The following ESR1 variants were observed in gnomAD, a reference collection of about 807,000 sequenced individuals.
ESR1 encodes the protein estrogen receptor.
Under a neutral mutation model 52.7 loss-of-function variants are expected in ESR1, and 12 were observed. That is an observed-to-expected ratio of 0.23 (90% CI 0.15 to 0.37). ESR1 has a LOEUF of 0.37. Ranked by LOEUF, ESR1 falls within the 10% of genes least tolerant of loss-of-function variation. The pLI, the probability that ESR1 is intolerant of heterozygous loss-of-function variation, is 1.00. For synonymous variants in ESR1, 305 were observed against 316.8 expected (o/e 0.96, Z 0.39); for missense variants, 584 against 779.7 (o/e 0.75, Z 2.99).
chr6:152,111,993 T>G (rs1233499500), intron 6 of ESR1, among the ~76,000 whole-genome samples: 1 of 152,216 alleles, frequency 6.6e-6, no homozygotes, highest in African/African-American at 2.4e-5. Flanking sequence ...CCCTACAATC[T>G]AATCCATTCT....
rs758654079 is a variant in ESR1, at chr6:151,807,830, GCT to G, written c.-80_-79del. 5.6e-6 allele frequency: 7 copies of G among 1,252,202 alleles called. No homozygotes were observed. Among genetic ancestry groups the G allele is most frequent in the Non-Finnish European group, 6.9e-6 (6 of 872,524 alleles). 77.6% of individuals were successfully genotyped at this position (1,252,202 alleles called of 1,614,324 possible). A position where few individuals can be genotyped will look rare whatever the true frequency, so the allele number is the denominator to read the frequency against. ...TGCGTCGCCTCTAACCTCGGGCTGT[GCT>G]CTTTTTCCAGGTGGCCCGCCGGTTT... On this transcript the variant is annotated 5_prime_UTR_variant, in exon 1 of 8. An upstream open reading frame in the 5' UTR loses its in-frame stop. Transcript: ENST00000206249.
chr6:151,967,798 C>G (rs867087728), intron 4 of ESR1, among the ~76,000 whole-genome samples: 2 of 152,172 alleles, frequency 1.3e-5, no homozygotes, highest in Admixed American at 6.5e-5. Flanking sequence ...ACACTCCCAC[C>G]AACAGTGTAA....
chr6:151,984,694 A>T (rs1191721437), intron 4 of ESR1, among the ~76,000 whole-genome samples: 2 of 152,152 alleles, frequency 1.3e-5, no homozygotes, highest in Non-Finnish European at 1.5e-5. Flanking sequence ...TCTTTCTTGA[A>T]TAAGCTGCTT....
intron 2 of ESR1, among the ~76,000 whole-genome samples, chr6:151,844,099 T>C (rs1481086520): frequency 6.6e-6 from 1 of 151,582 alleles, no homozygotes; most frequent in South Asian, 2.1e-4. Context: ...AATCTTTGTG[T>C]GTGTATATAT....
At chr6:151,793,513 TTATG>T (rs1321243679) in intron 2 of ESR1, among the ~76,000 whole-genome samples, 32 of 152,248 alleles carry the variant, frequency 2.1e-4, no homozygotes, top group African/African-American at 6.0e-4. Context: ...ATCATAATCA[TTATG>T]TACTGTACAT....
chr6:152,109,135 A>G (rs749001274), intron 6 of ESR1, among the ~76,000 whole-genome samples: 14 of 152,284 alleles, frequency 9.2e-5, no homozygotes, highest in Non-Finnish European at 1.8e-4. Context: ...TATCACAAGG[A>G]TAGCACCAGA....
chr6:151,792,833 T>C (rs1311292292), intron 2 of ESR1, among the ~76,000 whole-genome samples: 3 of 152,364 alleles, frequency 2.0e-5, no homozygotes, highest in Non-Finnish European at 4.4e-5. Context: ...ATGTTTTCTT[T>C]CTTTACATCC....
chr6:152,058,366 T>C (rs2047275607), intron 5 of ESR1, among the ~76,000 whole-genome samples: 1 of 152,214 alleles, frequency 6.6e-6, no homozygotes, highest in Non-Finnish European at 1.5e-5. Context: ...AGAGCTTCCA[T>C]GCATCCAGAT....
At chr6:151,868,901 G>A (rs1790439495) in intron 2 of ESR1, among the ~76,000 whole-genome samples, 1 of 152,162 alleles carries the variant, frequency 6.6e-6, no homozygotes, top group African/African-American at 2.4e-5. Context: ...TAAGCACTTA[G>A]AGGGTCGAAA....
intron 3 of ESR1, among the ~76,000 whole-genome samples, chr6:151,939,480 C>G (rs1272833429): frequency 6.6e-6 from 1 of 152,136 alleles, no homozygotes; most frequent in Non-Finnish European, 1.5e-5. Context: ...CTGTGGTCCA[C>G]CATTCTATAT....
chr6:152,012,356 T>C (rs1339373390), intron 5 of ESR1, among the ~76,000 whole-genome samples: 1 of 151,976 alleles, frequency 6.6e-6, no homozygotes, highest in Non-Finnish European at 1.5e-5. Flanking sequence ...TTGTTTTTTT[T>C]TTTTCAGTCA....
At chr6:151,923,008 C>G (rs2128466295) in intron 3 of ESR1, among the ~76,000 whole-genome samples, 1 of 152,292 alleles carries the variant, frequency 6.6e-6, no homozygotes, top group Admixed American at 6.5e-5. Context: ...CTCCTACCAT[C>G]TGCTATTTAT....
At chr6:152,001,835 G>A (rs911692624) in intron 4 of ESR1, among the ~76,000 whole-genome samples, 3 of 151,930 alleles carry the variant, frequency 2.0e-5, no homozygotes, top group Non-Finnish European at 4.4e-5. Flanking sequence ...AATGAATATG[G>A]GAGATAGGGA....
At chr6:151,691,260 G>C (rs1244059166) in intron 1 of ESR1, among the ~76,000 whole-genome samples, 1 of 152,126 alleles carries the variant, frequency 6.6e-6, no homozygotes, top group African/African-American at 2.4e-5. Flanking sequence ...TTGAGTCCTG[G>C]TGTCCCATTT....
chr6:151,969,117 G>A (rs1283732898), intron 4 of ESR1, among the ~76,000 whole-genome samples: 1 of 152,016 alleles, frequency 6.6e-6, no homozygotes, highest in Non-Finnish European at 1.5e-5. Flanking sequence ...AGTTGCTCCA[G>A]GGTGCTTTGC....
chr6:152,084,938 A>G (rs1245718727), intron 6 of ESR1, among the ~76,000 whole-genome samples: 2 of 152,194 alleles, frequency 1.3e-5, no homozygotes, highest in African/African-American at 4.8e-5. Flanking sequence ...AAAACCATTA[A>G]CTTCACACTA....
chr6:151,749,473 T>G (rs539270906), intron 2 of ESR1, among the ~76,000 whole-genome samples: 1 of 152,302 alleles, frequency 6.6e-6, no homozygotes, highest in Non-Finnish European at 1.5e-5. Flanking sequence ...GATGCATTAT[T>G]GTTAGCCACA....
rs758914868 is a variant in ESR1, at chr6:151,809,113, A to AAAT, written c.452+753_452+755dup. 21 of 384,760 alleles carry AAAT rather than the reference A, an allele frequency of 5.5e-5. No homozygotes were observed. In the East Asian group the frequency reaches 1.1e-3, roughly 20 times the overall value. The allele number at this position is 384,760 out of a possible 1,614,324, so 23.8% of individuals were successfully genotyped here. The stretch of plus-strand genomic sequence containing the variant: ...GCCATATGGAAGCACAAGTGCTTAA[A>AAAT]AATAATCTCCTGCCAGCCCAGTGAC... On this transcript the variant is annotated intron_variant, in intron 1 of 7. Transcript: ENST00000206249.
chr6:152,046,678 G>C (rs1413670743), intron 5 of ESR1, among the ~76,000 whole-genome samples: 1 of 152,162 alleles, frequency 6.6e-6, no homozygotes, highest in Admixed American at 6.5e-5. Context: ...TTAAAAGAAA[G>C]ATATATTTAA....
Sources: allele counts gnomAD v4.1 joint callset (sites outside exome capture counted in the v4.1 genomes callset), GRCh38; gene constraint gnomAD v4.1.1; transcripts MANE v1.5; gene names NCBI Gene and HGNC (gene_info 2026-07-23, HGNC 2026-07-21).